FBN2: variants seen among roughly 807,000 people sequenced by gnomAD.
FBN2 encodes fibrillin 2.
Under a neutral mutation model 355.6 loss-of-function variants are expected in FBN2, and 105 were observed. The observed-to-expected ratio is 0.30, with a 90% CI of 0.25 to 0.35. The LOEUF (loss-of-function observed/expected upper bound fraction) is 0.35. Ranked by LOEUF, FBN2 falls within the 10% of genes least tolerant of loss-of-function variation. The probability of loss-of-function intolerance (pLI) is 1.00; values close to 1 mark genes in which losing one functional copy is unlikely to be tolerated. For missense variants in FBN2, 3,280 were observed against 3,758.7 expected (o/e 0.87, Z 3.33); for synonymous variants, 1,350 against 1,301.2 (o/e 1.04, Z -0.81).
chr5:128,498,262 AT>A (rs1755709684), intron 5 of FBN2, among the ~76,000 whole-genome samples: 1 of 152,174 alleles, frequency 6.6e-6, no homozygotes, highest in South Asian at 2.1e-4. Context: ...AATCTCATAT[AT>A]TTTCTTGTTC....
chr5:128,532,400 C>T (rs1756733089), intron 2 of FBN2, among the ~76,000 whole-genome samples: 1 of 152,188 alleles, frequency 6.6e-6, no homozygotes, highest in South Asian at 2.1e-4. Flanking sequence ...ATACTCCACA[C>T]TTGTAGCCAA....
At chr5:128,262,030 A>C (rs1764989072) in intron 63 of FBN2, 123 bp from the exon 64 acceptor site, 2 of 795,862 alleles carry the variant, frequency 2.5e-6, no homozygotes, top group Non-Finnish European at 2.2e-6. Context: ...CATAAACATA[A>C]AACCCTAATA....
intron 7 of FBN2, among the ~76,000 whole-genome samples, chr5:128,416,328 T>C (rs1028349239): frequency 6.6e-6 from 1 of 152,184 alleles, no homozygotes; most frequent in African/African-American, 2.4e-5. Flanking sequence ...CCCGAACCCA[T>C]AGTTTGCAAA....
chr5:128,317,082 C>T (rs866391125), intron 36 of FBN2, among the ~76,000 whole-genome samples: 1 of 152,098 alleles, frequency 6.6e-6, no homozygotes, highest in Non-Finnish European at 1.5e-5. Flanking sequence ...GCCACATGCC[C>T]CTTGCACTGG....
In FBN2 at chr5:128,291,665, G is replaced by T; in HGVS notation, c.6167-11C>A. ...CACATTCATTTATATCTGCAGAACAGGGGGAGTATTTATTAGCCATTCAAC... is the reference window on the plus strand; with the variant it reads ...CACATTCATTTATATCTGCAGAACATGGGGAGTATTTATTAGCCATTCAAC... On this transcript the variant is annotated splice_polypyrimidine_tract_variant and intron_variant, in intron 48 of 64. Transcript: ENST00000262464. 1.2e-6 allele frequency: 2 copies of T among 1,612,506 alleles called. No individual in the cohort carries two copies. Among genetic ancestry groups the T allele is most frequent in the South Asian group, 1.1e-5 (1 of 90,946 alleles).
At position 128,272,073 on chromosome 5, in the gene FBN2, T is replaced by C. The variant is rs768750542; in HGVS notation, c.7886A>G (p.Gln2629Arg). ...DGNHRCQHGCQNILGGYRCGC... is the reference protein window; with the variant it reads ...DGNHRCQHGCRNILGGYRCGC... ...ACATCTGTAGCCACCCAGGATGTTCTGGCAGCCGTGTTGGCACCTGTGGTT... is the reference window on the plus strand; with the variant it reads ...ACATCTGTAGCCACCCAGGATGTTCCGGCAGCCGTGTTGGCACCTGTGGTT... The change falls in exon 62 of 65, where the codon CAG becomes CGG. Residue 2629 changes from glutamine to arginine, a missense_variant. Gln to Arg is a conservative substitution (Grantham distance 43, BLOSUM62 1). This residue lies in a region of FBN2 where 2,284 missense variants were observed against 2,749.5 expected (regional missense o/e 0.83). Transcript: ENST00000262464. The C allele has an allele frequency of 1.5e-5, 25 of 1,614,010 alleles. No individual in the cohort carries two copies. The highest frequency in any genetic ancestry group is 1.9e-5 in the Non-Finnish European group (22 of 1,179,978).
Position 128,349,465 on chromosome 5 carries a change from A to T in FBN2, c.2871T>A (p.Asn957Lys). The change falls in exon 23 of 65, where the codon AAT becomes AAA. Residue 957 changes from asparagine (N) to lysine (K), a missense_variant. By Grantham distance (94) the Asn-to-Lys change is moderately conservative. This residue lies in a region of FBN2 where 2,284 missense variants were observed against 2,749.5 expected (regional missense o/e 0.83). Transcript: ENST00000262464. ...RIKGVTCEDVNECEVFPGVCP... is the reference protein window; with the variant it reads ...RIKGVTCEDVKECEVFPGVCP... ...AAACGCCAGGGAACACCTCACACTC[A>T]TTAACATCTGCAGGGAAATGCAGCA... The T allele has an allele frequency of 6.2e-7, 1 of 1,614,008 alleles. No individual in the cohort carries two copies.
At chr5:128,447,854 C>G (rs35581777) in intron 6 of FBN2, among the ~76,000 whole-genome samples, 13,615 of 152,214 alleles carry the variant, frequency 0.089, 718 homozygotes, top group Non-Finnish European at 0.12. Flanking sequence ...CTCAGACTGG[C>G]CAACACTTAG....
At chr5:128,306,992 T>C in intron 42 of FBN2, 143 bp downstream of exon 42, 1 of 651,882 alleles carries the variant, frequency 1.5e-6, no homozygotes, top group East Asian at 2.7e-5. Flanking sequence ...TGTAAGCCTG[T>C]TATTTCTCTC....
At chr5:128,359,509 T>C (rs147024333) in intron 19 of FBN2, among the ~76,000 whole-genome samples, 166 of 152,212 alleles carry the variant, frequency 1.1e-3, no homozygotes, top group South Asian at 2.3e-3. Context: ...AAATAACAGT[T>C]ATTTGGTTAG....
chr5:128,334,019 A>C (rs545046188), intron 31 of FBN2, among the ~76,000 whole-genome samples: 1 of 152,062 alleles, frequency 6.6e-6, no homozygotes, highest in African/African-American at 2.4e-5. Context: ...AATATCACAC[A>C]TAAGTCTTAA....
chr5:128,363,757 A>C (rs977049872), intron 18 of FBN2, among the ~76,000 whole-genome samples: 1 of 152,184 alleles, frequency 6.6e-6, no homozygotes, highest in Non-Finnish European at 1.5e-5. Context: ...AATGTTCAAT[A>C]ATCTTTGCCT....
intron 11 of FBN2, among the ~76,000 whole-genome samples, chr5:128,380,856 T>C (rs568963269): frequency 6.6e-6 from 1 of 152,236 alleles, no homozygotes; most frequent in African/African-American, 2.4e-5. Flanking sequence ...AGAAAGTACT[T>C]AAATACTACG....
chr5:128,279,446 C>G (rs1282976489), intron 56 of FBN2, among the ~76,000 whole-genome samples: 1 of 151,874 alleles, frequency 6.6e-6, no homozygotes, highest in East Asian at 1.9e-4. Context: ...TTCCTATTTC[C>G]TAAAAGACTG....
At chr5:128,412,832 T>C (rs895492820) in intron 7 of FBN2, among the ~76,000 whole-genome samples, 2 of 152,282 alleles carry the variant, frequency 1.3e-5, no homozygotes, top group East Asian at 3.9e-4. Flanking sequence ...AGTCCTTGTG[T>C]TTAATGTGGA....
chr5:128,314,666 C>T (rs1402022585), intron 36 of FBN2, among the ~76,000 whole-genome samples: 1 of 152,068 alleles, frequency 6.6e-6, no homozygotes, highest in Non-Finnish European at 1.5e-5. Context: ...TCTCTCTCTT[C>T]CCCCTCCCTT....
At chr5:128,419,874 TAG>T (rs1753301359) in intron 7 of FBN2, among the ~76,000 whole-genome samples, 4 of 152,256 alleles carry the variant, frequency 2.6e-5, no homozygotes, top group South Asian at 2.1e-4. Context: ...TTTGTATTTT[TAG>T]TAGAGATGAG....
intron 18 of FBN2, among the ~76,000 whole-genome samples, chr5:128,364,252 T>C (rs1751711414): frequency 6.6e-6 from 1 of 152,218 alleles, no homozygotes; most frequent in Non-Finnish European, 1.5e-5. Flanking sequence ...CCTGTAACAC[T>C]TTATTTTCTT....
chr5:128,457,842 CAAAAAAA>C (rs560905143), intron 6 of FBN2, among the ~76,000 whole-genome samples: 1 of 125,448 alleles, frequency 8.0e-6, no homozygotes, highest in Non-Finnish European at 1.7e-5. Flanking sequence ...CCAGACACTG[CAAAAAAA>C]AAAAACAAAA....
Sources: allele counts gnomAD v4.1 joint callset (sites outside exome capture counted in the v4.1 genomes callset), GRCh38; gene constraint gnomAD v4.1.1; regional missense constraint gnomAD v4.1.1; transcripts MANE v1.5; gene names NCBI Gene and HGNC (gene_info 2026-07-23, HGNC 2026-07-21).